PSMA1: variants seen among roughly 807,000 people sequenced by gnomAD.
PSMA1 encodes the protein proteasome 20S subunit alpha 1.
A neutral mutation model predicts 38.4 loss-of-function variants in PSMA1; 3 were observed. That is an observed-to-expected ratio of 0.08 (90% CI 0.04 to 0.20). PSMA1 has a LOEUF of 0.20. Among genes scored for constraint, PSMA1 ranks in the 10% least tolerant of loss-of-function variants. PSMA1 has a pLI of 1.00. For missense variants in PSMA1, 227 were observed against 325.3 expected (o/e 0.70, Z 2.32); for synonymous variants, 101 against 107.1 (o/e 0.94, Z 0.35).
intron 2 of PSMA1, among the ~76,000 whole-genome samples, chr11:14,533,755 C>G (rs1851674536): frequency 6.6e-6 from 1 of 151,906 alleles, no homozygotes; most frequent in African/African-American, 2.4e-5. Context: ...CTTTCACCTC[C>G]CTCTTCTCAT....
chr11:14,557,121 G>A (rs867875983), intron 2 of PSMA1, among the ~76,000 whole-genome samples: 2 of 152,150 alleles, frequency 1.3e-5, no homozygotes, highest in South Asian at 2.1e-4. Flanking sequence ...AGGCATAAGC[G>A]ACTGCACCCT....
chr11:14,630,354 A>AT (rs1253766522), intron 1 of PSMA1, among the ~76,000 whole-genome samples: 1 of 152,300 alleles, frequency 6.6e-6, no homozygotes, highest in East Asian at 1.9e-4. Context: ...TACCTAATTT[A>AT]TTGAGAGTTT....
intron 8 of PSMA1, among the ~76,000 whole-genome samples, chr11:14,507,981 A>G (rs2597220): frequency 0.15 from 22,458 of 152,210 alleles, 2,055 homozygotes; most frequent in African/African-American, 0.27. Context: ...TATCATGAGT[A>G]ACTCCAAAGA....
At chr11:14,518,922 G>A in intron 2 of PSMA1, 75 bp downstream of exon 2, 7 of 1,167,092 alleles carry the variant, frequency 6.0e-6, no homozygotes, top group South Asian at 1.4e-5. Context: ...CCAAGCCTAC[G>A]CTCTCACAAG....
At chr11:14,592,376 C>CTCTCTCTA (rs1201045926) in intron 2 of PSMA1, among the ~76,000 whole-genome samples, 8 of 122,376 alleles carry the variant, frequency 6.5e-5, no homozygotes, top group East Asian at 2.5e-4. Flanking sequence ...CTCTCTCTCT[C>CTCTCTCTA]TATATATATA....
chr11:14,585,752 A>G (rs1852338425), intron 2 of PSMA1, among the ~76,000 whole-genome samples: 1 of 152,156 alleles, frequency 6.6e-6, no homozygotes, highest in Non-Finnish European at 1.5e-5. Flanking sequence ...CCCATGGCAT[A>G]TTGCAGTGCA....
chr11:14,634,712 A>G (rs1853089771), intron 1 of PSMA1, among the ~76,000 whole-genome samples: 1 of 152,232 alleles, frequency 6.6e-6, no homozygotes, highest in African/African-American at 2.4e-5. Context: ...GGTAGTATAC[A>G]AGAAAATTTG....
chr11:14,562,330 T>A (rs1852018947), intron 2 of PSMA1, among the ~76,000 whole-genome samples: 1 of 152,230 alleles, frequency 6.6e-6, no homozygotes, highest in South Asian at 2.1e-4. Flanking sequence ...TTTTCCCCCT[T>A]GTACATGAGC....
At chr11:14,515,764 G>C (rs1220923140) in intron 4 of PSMA1, among the ~76,000 whole-genome samples, 1 of 151,414 alleles carries the variant, frequency 6.6e-6, no homozygotes, top group East Asian at 2.0e-4. Context: ...ATGTTGGCCA[G>C]GCTGGTCTTG....
chr11:14,573,530 T>G (rs539796887), intron 2 of PSMA1, among the ~76,000 whole-genome samples: 42 of 152,272 alleles, frequency 2.8e-4, no homozygotes, highest in African/African-American at 8.9e-4. Flanking sequence ...ATAAGAGCTA[T>G]TTATGACAAA....
chr11:14,630,464 C>G (rs1852988101), intron 1 of PSMA1, among the ~76,000 whole-genome samples: 1 of 152,110 alleles, frequency 6.6e-6, no homozygotes, highest in Non-Finnish European at 1.5e-5. Flanking sequence ...TGCTGGATTA[C>G]ATTTATTGAT....
intron 5 of PSMA1, chr11:14,514,114 G>C: frequency 7.6e-7 from 1 of 1,319,252 alleles, no homozygotes; most frequent in South Asian, 2.4e-5. Flanking sequence ...TCTAAAACCT[G>C]ATTTGTTTTG....
chr11:14,521,035 C>T (rs1169290481), upstream of PSMA1, among the ~76,000 whole-genome samples: 1 of 146,408 alleles, frequency 6.8e-6, no homozygotes, highest in African/African-American at 2.5e-5. Context: ...CCCCCAAAAC[C>T]AAGCATGGTA....
At chr11:14,602,685 C>T (rs1852597356) in intron 2 of PSMA1, among the ~76,000 whole-genome samples, 1 of 151,892 alleles carries the variant, frequency 6.6e-6, no homozygotes, top group Non-Finnish European at 1.5e-5. Flanking sequence ...CTTGGATGTG[C>T]AAGACAAGAG....
At chr11:14,619,633 A>G (rs1852816807) in intron 1 of PSMA1, among the ~76,000 whole-genome samples, 1 of 152,040 alleles carries the variant, frequency 6.6e-6, no homozygotes, top group African/African-American at 2.4e-5. Context: ...ATCATATAAT[A>G]GATTGCTTTC....
In PSMA1 at chr11:14,638,543, CTCTATATATATATATATATATATA is replaced by C. The variant is rs1171859402; in HGVS notation, c.-166+4888_-166+4911del. 3.0e-3 allele frequency among the ~76,000 whole-genome samples: 40 copies of C among 13,318 alleles called. No homozygotes were observed. The East Asian group carries it at 0.031, about 10-fold the overall frequency. The allele number at this position is 13,318 out of a possible 152,430, so 8.7% of individuals were successfully genotyped here. On this transcript the variant is annotated intron_variant, in intron 1 of 10. Coordinates refer to the PSMA1 transcript ENST00000418988. ...TCTCTCTCTCTCTCTCTCTCTCTCT[CTCTATATATATATATATATATATA>C]TATATATATATATATATATTTTTTT...
intron 2 of PSMA1, among the ~76,000 whole-genome samples, chr11:14,536,293 G>A (rs2134162004): frequency 6.6e-6 from 1 of 152,224 alleles, no homozygotes; most frequent in East Asian, 1.9e-4. Context: ...TTGGGAGGCC[G>A]AGGGGGGCGG....
intron 2 of PSMA1, among the ~76,000 whole-genome samples, chr11:14,584,738 T>G (rs1852323258): frequency 6.6e-6 from 1 of 152,186 alleles, no homozygotes; most frequent in African/African-American, 2.4e-5. Flanking sequence ...AGTCCCGCAG[T>G]TTTCCTTTAG....
chr11:14,546,842 A>G (rs1565041823), intron 2 of PSMA1, among the ~76,000 whole-genome samples: 1 of 152,222 alleles, frequency 6.6e-6, no homozygotes, highest in Non-Finnish European at 1.5e-5. Context: ...AGTCAGTTGG[A>G]TATAGAGTGG....
Sources: gnomAD v4.1 joint callset for allele counts (sites outside exome capture counted in the v4.1 genomes callset) on GRCh38, gnomAD v4.1.1 for gene constraint, MANE v1.5 for transcripts, NCBI Gene and HGNC (gene_info 2026-07-23, HGNC 2026-07-21) for gene names.